The following FLNB variants were observed in gnomAD, a reference collection of about 807,000 sequenced individuals.
The protein encoded by FLNB is filamin-B.
A neutral mutation model predicts 250.6 loss-of-function variants in FLNB; 111 were observed. The ratio of observed to expected loss-of-function variants is 0.44; its 90% CI spans 0.38 to 0.52. The LOEUF is 0.52. Ranked by LOEUF, FLNB falls within the 20% of genes least tolerant of loss-of-function variation. The pLI is 0.00. For missense variants in FLNB, 2,869 were observed against 3,447.8 expected (o/e 0.83, Z 4.20); for synonymous variants, 1,302 against 1,372.1 (o/e 0.95, Z 1.13).
At chr3:58,168,860 AAGCATGTT>A in intron 44 of FLNB, 1 of 620,422 alleles carries the variant, frequency 1.6e-6, no homozygotes, top group Non-Finnish European at 2.9e-6. Flanking sequence ...GAAGTTGAGA[AAGCATGTT>A]AGGATGTTAG....
chr3:58,163,496 GC>G, intron 43 of FLNB, 166 bp downstream of exon 43: 1 of 670,844 alleles, frequency 1.5e-6, no homozygotes, highest in Non-Finnish European at 2.6e-6. Flanking sequence ...TTTGGGAGTT[GC>G]GGTTTGACCC....
At chr3:58,058,221 T>C (rs573761790) in intron 1 of FLNB, among the ~76,000 whole-genome samples, 1 of 152,358 alleles carries the variant, frequency 6.6e-6, no homozygotes, top group South Asian at 2.1e-4. Context: ...TAGTTTTTAC[T>C]AACTTTTACT....
chr3:58,124,703 G>A (rs1443094239), intron 22 of FLNB, among the ~76,000 whole-genome samples, 198 bp downstream of exon 22: 4 of 152,232 alleles, frequency 2.6e-5, no homozygotes, highest in Non-Finnish European at 1.5e-5. Flanking sequence ...TGTGTAATAG[G>A]TGGGCTGGGT....
chr3:58,163,457 C>A, intron 43 of FLNB, 127 bp downstream of exon 43: 1 of 952,846 alleles, frequency 1.0e-6, no homozygotes, highest in Non-Finnish European at 1.6e-6. Flanking sequence ...GTCATGCACA[C>A]TTCGGAGGCG....
At chr3:58,045,156 C>T (rs1019067132) in intron 1 of FLNB, among the ~76,000 whole-genome samples, 1 of 152,206 alleles carries the variant, frequency 6.6e-6, no homozygotes, top group Non-Finnish European at 1.5e-5. Flanking sequence ...CATGGGTTGG[C>T]TCTGCCTCCA....
intron 18 of FLNB, among the ~76,000 whole-genome samples, chr3:58,113,745 C>G (rs759111297): frequency 6.6e-6 from 1 of 152,224 alleles, no homozygotes; most frequent in Non-Finnish European, 1.5e-5. Flanking sequence ...GTGGCATGAT[C>G]TCAGCTCACT....
chr3:58,029,846 G>T (rs941195732), intron 1 of FLNB, among the ~76,000 whole-genome samples: 1 of 122,200 alleles, frequency 8.2e-6, no homozygotes, highest in Non-Finnish European at 1.6e-5. Context: ...GCACCTCTGG[G>T]ATTGAATCTG....
chr3:58,142,558 C>G lies in FLNB; in HGVS notation c.5182-92C>G. 1.8e-6 allele frequency: 2 copies of G among 1,116,216 alleles called. No homozygotes were observed. The highest frequency in any genetic ancestry group is 2.7e-6 in the Non-Finnish European group (2 of 743,194). 69.1% of individuals were successfully genotyped at this position (1,116,216 alleles called of 1,614,324 possible). A position where few individuals can be genotyped will look rare whatever the true frequency, so the allele number is the denominator to read the frequency against. On this transcript the variant is annotated intron_variant, in intron 30 of 45. Coordinates refer to ENST00000295956, the MANE Select transcript of FLNB (RefSeq NM_001457.4). The surrounding 1 kb of genome is among the most constrained non-coding windows in gnomAD (Gnocchi z 4.3). ...CATTCCCAAATCCCGGCCTCACTGG[C>G]TTGTAGAATTCCCAGCAGCTCTAAC...
intron 1 of FLNB, among the ~76,000 whole-genome samples, chr3:58,055,772 T>C (rs1299734826): frequency 1.3e-5 from 2 of 152,208 alleles, no homozygotes; most frequent in Non-Finnish European, 2.9e-5. Flanking sequence ...TCTTTCCACT[T>C]AATAATATAC....
intron 1 of FLNB, among the ~76,000 whole-genome samples, chr3:58,032,997 C>T (rs777104414): frequency 2.6e-5 from 4 of 152,018 alleles, no homozygotes; most frequent in Admixed American, 6.6e-5. Flanking sequence ...TGCTTGAGCC[C>T]GGGAAGTCAA....
intron 1 of FLNB, among the ~76,000 whole-genome samples, chr3:58,075,259 A>G (rs1473580795): frequency 6.6e-6 from 1 of 152,116 alleles, no homozygotes; most frequent in Non-Finnish European, 1.5e-5. Context: ...TCACTCCTCA[A>G]CAAGCGGCTT....
At position 58,156,181 on chromosome 3, in the gene FLNB, A is replaced by G. The variant is rs1437745679; in HGVS notation, c.6888+106A>G. ...CCCTTAGGTGCTGAGGCCCCTTTTC[A>G]CATTTTGACCACAGATGTCACCCAG... On this transcript the variant is annotated intron_variant, in intron 41 of 45. Transcript: ENST00000295956. The G allele has an allele frequency of 3.2e-5, 26 of 815,104 alleles. No homozygotes were observed. In the South Asian group the frequency reaches 3.3e-4, roughly 10 times the overall value. The allele number at this position is 815,104 out of a possible 1,614,324, so 50.5% of individuals were successfully genotyped here. A position where few individuals can be genotyped will look rare whatever the true frequency, so the allele number is the denominator to read the frequency against.
Position 58,151,909 on chromosome 3 carries a change from G to A in FLNB, c.6368-1466G>A, listed in dbSNP as rs115746695. Among the ~76,000 whole-genome samples the A allele has an allele frequency of 6.5e-4, 99 of 152,302 alleles. 1 individual carries two copies. The highest frequency in any genetic ancestry group is 2.1e-3 in the African/African-American group (86 of 41,568). ...TTCTCCATACTCCCCCACCAGCACT[G>A]GGGCTGTCTCTCCTTCTCACTTTGG... is the stretch of plus-strand genomic sequence containing the variant. On this transcript the variant is annotated intron_variant, in intron 38 of 45. Transcript: ENST00000295956.
rs1014537269 is a variant in FLNB at position 58,122,946 on chromosome 3, C to T, written c.3127-147C>T. 14 of 776,080 alleles carry T rather than the reference C, an allele frequency of 1.8e-5. No individual in the cohort carries two copies. The African/African-American group carries it at 2.0e-4, about 11-fold the overall frequency. 48.1% of individuals were successfully genotyped at this position (776,080 alleles called of 1,614,324 possible). On this transcript the variant is annotated intron_variant, in intron 20 of 45. Transcript: ENST00000295956. ...TGCATTGACTGTTGTAGCTTTAACT[C>T]GTGTGCACGTGTGACACATAAAGCC...
At chr3:58,076,845 G>A (rs1451784572) in intron 1 of FLNB, among the ~76,000 whole-genome samples, 2 of 152,140 alleles carry the variant, frequency 1.3e-5, no homozygotes, top group Non-Finnish European at 2.9e-5. Flanking sequence ...AGTGACATCC[G>A]TTAATGGCAT....
Position 58,102,391 on chromosome 3 carries a change from C to T in FLNB, c.1483+51C>T, listed in dbSNP as rs200590523. The T allele has an allele frequency of 6.9e-4, 1,105 of 1,592,606 alleles. 1 individual carries two copies. Among genetic ancestry groups the T allele is most frequent in the Non-Finnish European group, 8.7e-4 (1,015 of 1,160,702 alleles). On this transcript the variant is annotated intron_variant, in intron 9 of 45. Transcript: ENST00000295956. The stretch of plus-strand genomic sequence containing the variant: ...TCAGGTGTGGTTTTGGCTAACTTTG[C>T]AGCCATGGCATATGGATTTCATCCC...
chr3:58,092,570 T>A (rs749370677), intron 4 of FLNB, among the ~76,000 whole-genome samples: 1 of 152,070 alleles, frequency 6.6e-6, no homozygotes, highest in Non-Finnish European at 1.5e-5. Context: ...TGCCTGAGCC[T>A]GGGAGGTCGA....
intron 1 of FLNB, among the ~76,000 whole-genome samples, chr3:58,045,861 G>T (rs114624800): frequency 6.6e-6 from 1 of 152,006 alleles, no homozygotes; most frequent in Non-Finnish European, 1.5e-5. Flanking sequence ...TTAGCCGGGC[G>T]TGGTAGTGTA....
chr3:58,163,355 A>G, intron 43 of FLNB, 25 bp downstream of exon 43: 3 of 1,612,486 alleles, frequency 1.9e-6, no homozygotes, highest in Non-Finnish European at 2.5e-6. Flanking sequence ...TGCTTCTTGA[A>G]GCCTTAACTG....
Sources: gnomAD v4.1 joint callset for allele counts (sites outside exome capture counted in the v4.1 genomes callset) on GRCh38, gnomAD v4.1.1 for gene constraint, Gnocchi (gnomAD v3.1) non-coding constraint, MANE v1.5 for transcripts, NCBI Gene and HGNC (gene_info 2026-07-23, HGNC 2026-07-21) for gene names.